Variants in MAPK6 observed in about 807,000 individuals in gnomAD.
MAPK6 encodes mitogen-activated protein kinase 6, also known as ERK-3.
MAPK6 carries 19 observed loss-of-function variants against 59.3 expected under a neutral mutation model. The ratio of observed to expected loss-of-function variants is 0.32; its 90% CI spans 0.22 to 0.47. The LOEUF is 0.47. Among genes scored for constraint, MAPK6 ranks in the 20% least tolerant of loss-of-function variants. The pLI is 1.00. For synonymous variants in MAPK6, 316 were observed against 290.3 expected (o/e 1.09, Z -0.90); for missense variants, 724 against 847.9 (o/e 0.85, Z 1.81).
At chr15:52,026,041 G>A (rs991790639) in intron 1 of MAPK6, among the ~76,000 whole-genome samples, 1 of 152,170 alleles carries the variant, frequency 6.6e-6, no homozygotes, top group African/African-American at 2.4e-5. Flanking sequence ...GTTCAATAAA[G>A]TAGATAATCT....
At position 52,061,271 on chromosome 15, in the gene MAPK6, T is replaced by C. The variant is rs144744855; in HGVS notation, c.866-28T>C. 4.1e-4 allele frequency: 644 copies of C among 1,564,700 alleles called. 3 individuals carry two copies. In the African/African-American group the frequency reaches 7.2e-3, roughly 17 times the overall value. On this transcript the variant is annotated intron_variant, in intron 4 of 5. Coordinates refer to ENST00000261845, the MANE Select transcript of MAPK6 (RefSeq NM_002748.4). ...TTTCTAAAGGTAAGCAATTCTTTTC[T>C]GAAAAACTTTTACCTTTTCCTCTGC...
chr15:52,003,507 CT>C (rs1247923309), intron 2 of MAPK6, among the ~76,000 whole-genome samples: 2 of 152,334 alleles, frequency 1.3e-5, no homozygotes, highest in African/African-American at 4.8e-5. Context: ...TAGCTGACAG[CT>C]GTGTGCTGAG....
At chr15:52,061,779 A>G (rs949051176) in intron 5 of MAPK6, among the ~76,000 whole-genome samples, 1 of 152,168 alleles carries the variant, frequency 6.6e-6, no homozygotes, top group Non-Finnish European at 1.5e-5. Context: ...TCTCAAAGAA[A>G]AATTTAGTAA....
At chr15:52,006,614 A>G (rs912143024) in intron 3 of MAPK6, among the ~76,000 whole-genome samples, 3 of 152,184 alleles carry the variant, frequency 2.0e-5, no homozygotes, top group Non-Finnish European at 4.4e-5. Context: ...TTGTGTGCTT[A>G]GTGGATTGGC....
chr15:52,046,225 T>C lies in MAPK6; in HGVS notation c.-236T>C. 1 of 403,552 alleles carries C rather than the reference T, an allele frequency of 2.5e-6. No individual in the cohort carries two copies. Among genetic ancestry groups the C allele is most frequent in the South Asian group, 4.2e-5 (1 of 24,038 alleles). The allele number at this position is 403,552 out of a possible 1,614,324, so 25.0% of individuals were successfully genotyped here. On this transcript the variant is annotated 5_prime_UTR_variant, in exon 2 of 6. An upstream start codon of the reference 5' UTR is lost. Coordinates refer to ENST00000261845, the MANE Select transcript of MAPK6 (RefSeq NM_002748.4). Reference sequence around the variant, plus strand: ...GAGTTGCTGCCCCTTTCTTGAACTATGAGTACTGCAATCTTTTTAATTCTC... The same window carrying C: ...GAGTTGCTGCCCCTTTCTTGAACTACGAGTACTGCAATCTTTTTAATTCTC...
chr15:51,997,840 C>G (rs1025841902), intron 2 of MAPK6, among the ~76,000 whole-genome samples: 1 of 152,130 alleles, frequency 6.6e-6, no homozygotes, highest in Non-Finnish European at 1.5e-5. Context: ...GATCCACCCA[C>G]GTCAGCCTCC....
chr15:51,997,651 C>T (rs1393833995), intron 2 of MAPK6, among the ~76,000 whole-genome samples: 3 of 144,372 alleles, frequency 2.1e-5, no homozygotes, highest in East Asian at 4.0e-4. Context: ...AATGCAATGG[C>T]GTGATCTCGG....
At chr15:51,976,266 CA>C (rs774556505) in intron 1 of MAPK6, among the ~76,000 whole-genome samples, 3,927 of 45,186 alleles carry the variant, frequency 0.087, 95 homozygotes, top group East Asian at 0.25. Context: ...ACTCCCATCT[CA>C]AAAAAAAAAA....
intron 1 of MAPK6, among the ~76,000 whole-genome samples, chr15:51,977,797 A>G (rs1215563412): frequency 2.0e-5 from 3 of 151,780 alleles, no homozygotes; most frequent in African/African-American, 7.2e-5. Context: ...TTGGCCTCCT[A>G]AAGTACTGGG....
At chr15:51,983,038 T>C (rs2057179359) in intron 1 of MAPK6, among the ~76,000 whole-genome samples, 1 of 152,210 alleles carries the variant, frequency 6.6e-6, no homozygotes, top group South Asian at 2.1e-4. Context: ...GTACACACTT[T>C]TTATCTGCTA....
At chr15:52,058,893 T>G in intron 4 of MAPK6, 96 bp downstream of exon 4, 1 of 1,039,438 alleles carries the variant, frequency 9.6e-7, no homozygotes, top group Non-Finnish European at 1.4e-6. Flanking sequence ...GATATGGGGC[T>G]TTCTCCAAAA....
rs552118395 is a variant in MAPK6, at chr15:52,022,576, T to G, written c.-632+3200T>G. On this transcript the variant is annotated intron_variant, in intron 1 of 5. Transcript: ENST00000261845. Reference sequence around the variant, plus strand: ...TGCTCCCAGCCCATAAAATGTATTGTTAATGTGAATTAAATTTTTGGAACT... The same window carrying G: ...TGCTCCCAGCCCATAAAATGTATTGGTAATGTGAATTAAATTTTTGGAACT... Among the ~76,000 whole-genome samples the G allele has an allele frequency of 9.9e-5, 15 of 152,256 alleles. No individual in the cohort carries two copies. The South Asian group carries it at 2.9e-3, about 29-fold the overall frequency.
At chr15:52,022,437 T>C (rs1029296229) in intron 1 of MAPK6, among the ~76,000 whole-genome samples, 3 of 152,104 alleles carry the variant, frequency 2.0e-5, no homozygotes, top group Non-Finnish European at 2.9e-5. Flanking sequence ...GTTTTTCGTA[T>C]TTTTTGTAGA....
chr15:51,978,493 A>T (rs2057163507), intron 1 of MAPK6, among the ~76,000 whole-genome samples: 1 of 151,918 alleles, frequency 6.6e-6, no homozygotes, highest in African/African-American at 2.4e-5. Context: ...GCTGACCAGC[A>T]TCCTATAATC....
chr15:52,026,649 C>T (rs565991107), intron 1 of MAPK6, among the ~76,000 whole-genome samples: 1 of 152,234 alleles, frequency 6.6e-6, no homozygotes, highest in South Asian at 2.1e-4. Context: ...AGGCCTATGT[C>T]CAAATCTTGG....
chr15:52,056,753 G>C (rs2031999024), intron 3 of MAPK6: 1 of 152,136 alleles, frequency 6.6e-6, no homozygotes, highest in South Asian at 2.1e-4. Context: ...TTCAGTCCTT[G>C]GGCTCCCTGC....
At chr15:51,979,715 C>T (rs1461218347) in intron 1 of MAPK6, among the ~76,000 whole-genome samples, 1 of 151,624 alleles carries the variant, frequency 6.6e-6, no homozygotes, top group Admixed American at 6.6e-5. Context: ...ATCACTTGAG[C>T]CTGGGAGGTC....
intron 4 of MAPK6, among the ~76,000 whole-genome samples, chr15:52,060,134 G>T (rs367569348): frequency 4.1e-4 from 62 of 152,294 alleles, no homozygotes; most frequent in African/African-American, 1.5e-3. Context: ...AGCTGTTCAG[G>T]AGGCTGAGGC....
At chr15:51,993,992 C>T (rs2057217488) in intron 2 of MAPK6, among the ~76,000 whole-genome samples, 1 of 151,868 alleles carries the variant, frequency 6.6e-6, no homozygotes, top group Non-Finnish European at 1.5e-5. Context: ...CAGAGTTTTG[C>T]TCTTGTCACC....
Sources: gnomAD v4.1 joint callset for allele counts (sites outside exome capture counted in the v4.1 genomes callset) on GRCh38, gnomAD v4.1.1 for gene constraint, MANE v1.5 for transcripts, NCBI Gene and HGNC (gene_info 2026-07-23, HGNC 2026-07-21) for gene names.